Variants in OVOL2 observed in about 807,000 individuals in gnomAD.
The protein encoded by OVOL2 is ovo like zinc finger 2.
A neutral mutation model predicts 18.1 loss-of-function variants in OVOL2; 13 were observed. That is an observed-to-expected ratio of 0.72 (90% CI 0.47 to 1.14). The LOEUF (loss-of-function observed/expected upper bound fraction) is 1.14, where lower values mean the gene tolerates loss of function less well. OVOL2 is among the 50% of genes most tolerant of loss of function. OVOL2 has a pLI of 0.00. For synonymous variants in OVOL2, 166 were observed against 162.7 expected (o/e 1.02, Z -0.16); for missense variants, 335 against 383.0 (o/e 0.87, Z 1.05).
At chr20:18,028,186 TA>T (rs1200912081) in intron 3 of OVOL2, among the ~76,000 whole-genome samples, 1 of 152,036 alleles carries the variant, frequency 6.6e-6, no homozygotes, top group African/African-American at 2.4e-5. Context: ...TATTTTATTT[TA>T]TTTTTTTGAG....
chr20:18,042,776 A>C (rs1478449255), intron 2 of OVOL2, among the ~76,000 whole-genome samples: 4 of 24,490 alleles, frequency 1.6e-4, no homozygotes, highest in Non-Finnish European at 7.7e-5. Flanking sequence ...ACTCCGTCTC[A>C]AAAAAAAAAA....
At chr20:18,042,586 G>C (rs920774781) in intron 2 of OVOL2, among the ~76,000 whole-genome samples, 1 of 151,878 alleles carries the variant, frequency 6.6e-6, no homozygotes, top group African/African-American at 2.4e-5. Flanking sequence ...AGATCAGCCT[G>C]ACCAACGTGG....
chr20:18,026,062 A>G (rs6080941), intron 3 of OVOL2, among the ~76,000 whole-genome samples: 56,319 of 152,148 alleles, frequency 0.37, 11,035 homozygotes, highest in East Asian at 0.72. Context: ...TCATGCTGGC[A>G]TTAGAACTGG....
At chr20:18,029,595 C>CT (rs2036550040) in intron 3 of OVOL2, among the ~76,000 whole-genome samples, 2 of 152,156 alleles carry the variant, frequency 1.3e-5, no homozygotes, top group African/African-American at 4.8e-5. Context: ...CATCTCCAAC[C>CT]ACCTGCCAGT....
At chr20:18,051,648 A>G (rs1002137761) in intron 2 of OVOL2, among the ~76,000 whole-genome samples, 6 of 152,212 alleles carry the variant, frequency 3.9e-5, no homozygotes, top group Admixed American at 3.3e-4. Context: ...GTGGTGACAG[A>G]AAAATTATAT....
chr20:18,041,207 A>G (rs2036664568), intron 3 of OVOL2, among the ~76,000 whole-genome samples: 1 of 151,786 alleles, frequency 6.6e-6, no homozygotes, highest in African/African-American at 2.4e-5. Flanking sequence ...AATGTCACCC[A>G]GGCTGGAGTG....
intron 3 of OVOL2, among the ~76,000 whole-genome samples, chr20:18,033,156 A>G (rs2036585935): frequency 6.6e-6 from 1 of 152,178 alleles, no homozygotes. Flanking sequence ...TTTGGGCTCC[A>G]AACAAAGACA....
chr20:18,032,260 GGGAAAGAAAGAGAA>G (rs944777542), intron 3 of OVOL2, among the ~76,000 whole-genome samples: 1 of 142,710 alleles, frequency 7.0e-6, no homozygotes. Context: ...AAAGAAGAGA[GGGAAAGAAAGAGAA>G]AGAAAGAAAG....
At chr20:18,053,759 A>C (rs1156364965) in intron 2 of OVOL2, among the ~76,000 whole-genome samples, 6 of 150,638 alleles carry the variant, frequency 4.0e-5, no homozygotes, top group Admixed American at 4.0e-4. Flanking sequence ...CATCATCCAG[A>C]GCTTCTCCTC....
At chr20:18,031,764 T>C (rs748902121) in intron 3 of OVOL2, among the ~76,000 whole-genome samples, 1 of 152,198 alleles carries the variant, frequency 6.6e-6, no homozygotes, top group Non-Finnish European at 1.5e-5. Flanking sequence ...TCTGCCCTTT[T>C]GAATTTTGTA....
intron 2 of OVOL2, among the ~76,000 whole-genome samples, chr20:18,042,804 A>C (rs1338249484): frequency 6.9e-6 from 1 of 144,038 alleles, no homozygotes; most frequent in East Asian, 2.1e-4. Context: ...AGAGCCCGGC[A>C]CTTCCTCCCC....
At chr20:18,051,982 C>T (rs1055088160) in intron 2 of OVOL2, among the ~76,000 whole-genome samples, 20 of 152,176 alleles carry the variant, frequency 1.3e-4, no homozygotes, top group Middle Eastern at 6.8e-3. Flanking sequence ...TCAGGTGATC[C>T]GCCCGCCTCG....
chr20:18,038,092 C>T (rs536547860), intron 3 of OVOL2, among the ~76,000 whole-genome samples: 1 of 152,278 alleles, frequency 6.6e-6, no homozygotes, highest in African/African-American at 2.4e-5. Context: ...CCAGGACTCC[C>T]CTTTGGCATG....
At position 18,041,589 on chromosome 20, in the gene OVOL2, G is replaced by A. The variant is rs759547501; in HGVS notation, c.456C>T (p.Cys152=). ...CGAAGGTGTCGTTGAAGCCCTTGCC[G>A]CAGAAGGTGCACAGGTGTCTTTTCA... is the stretch of plus-strand genomic sequence containing the variant. ...NQVKRHLCTF[C]GKGFNDTFDL... is the part of the protein sequence containing the mutation. Residue 152 remains cysteine, a synonymous_variant, in exon 3 of 4, where the codon TGC becomes TGT. Transcript: ENST00000278780. 56 of 1,613,958 alleles carry A rather than the reference G, an allele frequency of 3.5e-5. No individual in the cohort carries two copies. The highest frequency in any genetic ancestry group is 4.1e-5 in the Non-Finnish European group (48 of 1,179,986).
intron 2 of OVOL2, among the ~76,000 whole-genome samples, chr20:18,047,377 G>A (rs2036732217): frequency 6.7e-6 from 1 of 149,940 alleles, no homozygotes; most frequent in African/African-American, 2.5e-5. Flanking sequence ...GCCGCGCATG[G>A]TGGCTACTCA....
At chr20:18,058,414 C>A (rs1407704920), upstream of OVOL2, among the ~76,000 whole-genome samples, 3 of 149,576 alleles carry the variant, frequency 2.0e-5, no homozygotes, top group African/African-American at 5.0e-5. Context: ...ACCCCCCCCC[C>A]ATAAGCAGTA....
chr20:18,040,027 C>T (rs982771555), intron 3 of OVOL2, among the ~76,000 whole-genome samples: 2 of 152,092 alleles, frequency 1.3e-5, no homozygotes, highest in East Asian at 1.9e-4. Context: ...TACGTTCAAG[C>T]GATCCTCCAG....
upstream of OVOL2, among the ~76,000 whole-genome samples, chr20:18,058,578 A>AAT (rs372018050): frequency 1.2e-4 from 18 of 148,780 alleles, no homozygotes; most frequent in East Asian, 2.8e-3. Context: ...GTAAACACAC[A>AAT]ATAGAAACAA....
In OVOL2 at chr20:18,056,634, C is replaced by A; in HGVS notation, c.321+23G>T. On this transcript the variant is annotated intron_variant, in intron 2 of 3. Transcript: ENST00000278780. This position sits in a 1 kb window ranked among gnomAD's most constrained non-coding sequence, Gnocchi z 4.2. The stretch of plus-strand genomic sequence containing the variant: ...CGCCAGGGCGTGGTGCAGGTGGCGG[C>A]GGGGGCAGAGTCGACACAGTACCTT... 1 of 1,378,560 alleles carries A rather than the reference C, an allele frequency of 7.3e-7. No homozygotes were observed. The highest frequency in any genetic ancestry group is 1.8e-5 in the South Asian group (1 of 56,964). 85.4% of individuals were successfully genotyped at this position (1,378,560 alleles called of 1,614,324 possible).
Sources: gnomAD v4.1 joint callset for allele counts (sites outside exome capture counted in the v4.1 genomes callset) on GRCh38, gnomAD v4.1.1 for gene constraint, Gnocchi (gnomAD v3.1) non-coding constraint, MANE v1.5 for transcripts, NCBI Gene and HGNC (gene_info 2026-07-23, HGNC 2026-07-21) for gene names.